The following CPOX variants were observed in gnomAD, a reference collection of about 807,000 sequenced individuals.
CPOX encodes coproporphyrinogen oxidase.
In CPOX, 24 loss-of-function variants were observed where a neutral mutation model predicts 48.9. That is an observed-to-expected ratio of 0.49 (90% CI 0.36 to 0.69). The LOEUF is 0.69. Among genes scored for constraint, CPOX ranks in the 30% least tolerant of loss-of-function variants. The pLI is 0.00. For synonymous variants in CPOX, 249 were observed against 234.6 expected, an observed-to-expected ratio of 1.06 and a Z score of -0.56; for missense variants, 549 against 597.3, an observed-to-expected ratio of 0.92 and a Z score of 0.84.
chr3:98,581,809 A>G (rs1707264470), intron 5 of CPOX, among the ~76,000 whole-genome samples: 1 of 152,248 alleles, frequency 6.6e-6, no homozygotes. Flanking sequence ...AGAAGTTTAA[A>G]GCAGAACAAC....
rs1158873654 is a variant in CPOX, at chr3:98,593,432, G to C, written c.73C>G (p.Arg25Gly). Residue 25 changes from arginine to glycine, a missense_variant, in exon 1 of 7, where the codon CGC becomes GGC. Arg to Gly is a moderately radical substitution (Grantham distance 125). This residue lies in a region of CPOX where 336 missense variants were observed against 318.1 expected (regional missense o/e 1.06). Transcript: ENST00000647941. ...CCGCCGCCGCACTGGGACCAGGCGC[G>C]GGGCCCTCCGCAGCCGCCCCGCGCC... is the stretch of plus-strand genomic sequence containing the variant. Reference protein sequence around the residue: ...LVARGGCGGPRAWSQCGGGGL... With the variant: ...LVARGGCGGPGAWSQCGGGGL... 1.5e-5 allele frequency: 22 copies of C among 1,481,694 alleles called. No homozygotes were observed. In the Admixed American group the frequency reaches 3.0e-4, roughly 20 times the overall value. The allele number at this position is 1,481,694 out of a possible 1,614,324, so 91.8% of individuals were successfully genotyped here.
chr3:98,588,595 A>C (rs1707411030), intron 4 of CPOX, 118 bp downstream of exon 4: 2 of 1,045,982 alleles, frequency 1.9e-6, no homozygotes, highest in Non-Finnish European at 3.0e-6. Context: ...TGATGAGCAA[A>C]GTAAGAAAAC....
At chr3:98,579,401 T>G (rs1386765013), downstream of CPOX, 3 of 619,648 alleles carry the variant, frequency 4.8e-6, no homozygotes, top group Non-Finnish European at 6.0e-6. Flanking sequence ...AAGAAATATA[T>G]GCGTTTTCCT....
Position 98,588,733 on chromosome 3 carries a change from G to C in CPOX, c.933C>G (p.Leu311=). ...CCTACCATTTTTTAAATTTGGGGTA[G>C]AGATCTGGACCATGCTGGTCACAAG... ...KEACDQHGPD[L]YPKFKKWCDD... The change falls in exon 4 of 7, where the codon CTC becomes CTG. Residue 311 remains leucine, a synonymous_variant. Transcript: ENST00000647941. 1.2e-6 allele frequency: 2 copies of C among 1,614,192 alleles called. No individual in the cohort carries two copies. Among genetic ancestry groups the C allele is most frequent in the Non-Finnish European group, 1.7e-6 (2 of 1,180,034 alleles).
At chr3:98,581,275 T>G in intron 6 of CPOX, 132 bp downstream of exon 6, 1 of 727,370 alleles carries the variant, frequency 1.4e-6, no homozygotes, top group Non-Finnish European at 2.5e-6. Context: ...GACTGTGATT[T>G]TCTTATAAAA....
chr3:98,580,847 A>G (rs1424357980), intron 6 of CPOX, 77 bp from the exon 7 acceptor site: 1 of 1,505,936 alleles, frequency 6.6e-7, no homozygotes, highest in Non-Finnish European at 9.0e-7. Flanking sequence ...ATAAATGAAA[A>G]ATAAAATCCT....
chr3:98,574,271 T>C, the CPOX span, among the ~76,000 whole-genome samples: 121,073 of 152,130 alleles, frequency 0.8, 48,616 homozygotes, highest in African/African-American at 0.9. Flanking sequence ...TTTTATCACA[T>C]TCACAGATTC....
the CPOX span, among the ~76,000 whole-genome samples, chr3:98,572,498 T>C: frequency 6.6e-5 from 10 of 152,352 alleles, no homozygotes; most frequent in African/African-American, 2.4e-4. Context: ...TATTGATATG[T>C]ATGCCATTTT....
chr3:98,588,302 T>C (rs1707405905), intron 4 of CPOX, among the ~76,000 whole-genome samples: 1 of 152,180 alleles, frequency 6.6e-6, no homozygotes. Flanking sequence ...TTGGCCAAAA[T>C]CTCTGGTATG....
In CPOX at chr3:98,579,554, C is replaced by T. The variant is rs988934012; in HGVS notation, c.*1129G>A. On this transcript the variant is annotated 3_prime_UTR_variant, in exon 7 of 7. Transcript: ENST00000647941. The stretch of plus-strand genomic sequence containing the variant: ...GCCACACAGAATCACAAACATTCAA[C>T]GTGTTCCACGATAATGATATGTATG... 4.3e-5 allele frequency: 42 copies of T among 985,278 alleles called. No homozygotes were observed. Among genetic ancestry groups the T allele is most frequent in the Non-Finnish European group, 4.8e-5 (40 of 829,918 alleles). 61.0% of individuals were successfully genotyped at this position (985,278 alleles called of 1,614,324 possible).
At chr3:98,577,334 A>G (rs1259867377), downstream of CPOX, among the ~76,000 whole-genome samples, 2 of 152,144 alleles carry the variant, frequency 1.3e-5, no homozygotes, top group Non-Finnish European at 2.9e-5. Context: ...GGTGGTGATA[A>G]TGGGACCTAG....
downstream of CPOX, among the ~76,000 whole-genome samples, chr3:98,575,995 C>G (rs375045370): frequency 5.6e-4 from 80 of 143,626 alleles, 1 homozygote; most frequent in African/African-American, 2.0e-3. Flanking sequence ...TGGCTTGAAC[C>G]CAGGAGGCAG....
In CPOX at chr3:98,580,687, C is replaced by T. The variant is rs149718909; in HGVS notation, c.1361G>A (p.Arg454His). 166 of 1,614,094 alleles carry T rather than the reference C, an allele frequency of 1.0e-4. No homozygotes were observed. Among genetic ancestry groups the T allele is most frequent in the South Asian group, 2.4e-4 (22 of 91,092 alleles). ...EVLRHPRDWV[R>H] is the part of the protein sequence containing the mutation. ...TGCACAGCCATTCTGCCTGCATCAA[C>T]GCACCCAGTCCCTTGGATGGCGTAG... Residue 454 changes from arginine (R) to histidine (H), a missense_variant, in exon 7 of 7, where the codon CGT becomes CAT. Around this residue, in one of 2 missense-constraint regions of CPOX, gnomAD observed 213 missense variants for 279.1 expected, o/e 0.76. Coordinates refer to ENST00000647941, the MANE Select transcript of CPOX (RefSeq NM_000097.7).
At chr3:98,592,844 T>G (rs1707506155) in intron 1 of CPOX, 105 bp downstream of exon 1, 1 of 1,286,640 alleles carries the variant, frequency 7.8e-7, no homozygotes, top group African/African-American at 1.5e-5. Context: ...GGGTACCCCC[T>G]ACCTACCCCA....
Position 98,580,464 on chromosome 3 carries a change from GTA to G in CPOX, c.*217_*218del. On this transcript the variant is annotated 3_prime_UTR_variant, in exon 7 of 7. Coordinates refer to ENST00000647941, the MANE Select transcript of CPOX (RefSeq NM_000097.7). ...CTAGTCATATAAAATGACACTAGAA[GTA>G]TAAATGAGGTTTAATCAATTGACTC... 7.2e-7 allele frequency: 1 copy of G among 1,387,094 alleles called. No homozygotes were observed. Among genetic ancestry groups the G allele is most frequent in the Non-Finnish European group, 9.3e-7 (1 of 1,069,800 alleles). 85.9% of individuals were successfully genotyped at this position (1,387,094 alleles called of 1,614,324 possible). A position where few individuals can be genotyped will look rare whatever the true frequency, so the allele number is the denominator to read the frequency against.
downstream of CPOX, among the ~76,000 whole-genome samples, chr3:98,579,238 T>C (rs558903431): frequency 1.9e-4 from 29 of 152,348 alleles, no homozygotes; most frequent in Non-Finnish European, 3.8e-4. Context: ...CATGTGCGAA[T>C]TGACTATGTT....
intron 4 of CPOX, among the ~76,000 whole-genome samples, chr3:98,587,542 TG>T (rs1407820017): frequency 2.7e-5 from 4 of 149,642 alleles, no homozygotes; most frequent in African/African-American, 9.9e-5. Context: ...CATCACATGG[TG>T]GGGGGCTGAA....
chr3:98,573,368 AC>A, the CPOX span, among the ~76,000 whole-genome samples: 1 of 152,144 alleles, frequency 6.6e-6, no homozygotes, highest in Non-Finnish European at 1.5e-5. Flanking sequence ...ATATGTAATA[AC>A]TCCTTTAGAT....
rs757487185 is a variant in CPOX at position 98,590,717 on chromosome 3, G to A, written c.726C>T (p.Gly242=). 29 of 1,613,580 alleles carry A rather than the reference G, an allele frequency of 1.8e-5. No individual in the cohort carries two copies. The highest frequency in any genetic ancestry group is 1.6e-4 in the Middle Eastern group (1 of 6,084). ...KDGKLPFCAM[G]VSSVIHPKNP... ...TCTTGGGGTGGATAACAGAGCTCAC[G>A]CCCATAGCACAAAATGGCAATTTAC... Residue 242 remains glycine (G), a synonymous_variant, in exon 3 of 7, where the codon GGC becomes GGT. Transcript: ENST00000647941.
Sources: allele counts gnomAD v4.1 joint callset (sites outside exome capture counted in the v4.1 genomes callset), GRCh38; gene constraint gnomAD v4.1.1; regional missense constraint gnomAD v4.1.1; transcripts MANE v1.5; gene names NCBI Gene and HGNC (gene_info 2026-07-23, HGNC 2026-07-21).